The following SEPTIN7 variants were observed in gnomAD, a reference collection of about 807,000 sequenced individuals.
SEPTIN7 encodes septin-7.
SEPTIN7 carries 10 observed loss-of-function variants against 63.3 expected under a neutral mutation model. That is an observed-to-expected ratio of 0.16 (90% CI 0.10 to 0.27). The LOEUF (loss-of-function observed/expected upper bound fraction) is 0.27. SEPTIN7 is among the 10% of genes least tolerant of loss of function. The probability of loss-of-function intolerance (pLI) is 1.00; values close to 1 mark genes in which losing one functional copy is unlikely to be tolerated. For synonymous variants in SEPTIN7, 131 were observed against 165.3 expected (o/e 0.79, Z 1.59); for missense variants, 310 against 521.0 (o/e 0.59, Z 3.94).
intron 4 of SEPTIN7, among the ~76,000 whole-genome samples, chr7:35,870,261 TA>T (rs1477626979): frequency 6.6e-6 from 1 of 152,218 alleles, no homozygotes; most frequent in African/African-American, 2.4e-5. Flanking sequence ...AGCAAGTCAA[TA>T]AGTAATTAAG....
chr7:35,868,823 T>C (rs2116191734), intron 4 of SEPTIN7, among the ~76,000 whole-genome samples: 1 of 152,228 alleles, frequency 6.6e-6, no homozygotes, highest in East Asian at 1.9e-4. Flanking sequence ...ATTGAGAAAT[T>C]AGCTTTAGGA....
intron 10 of SEPTIN7, chr7:35,888,947 C>T: frequency 3.6e-6 from 1 of 275,238 alleles, no homozygotes; most frequent in South Asian, 3.3e-5. Context: ...TATCATATCT[C>T]AGCTTCAATC....
chr7:35,859,188 C>T (rs920179549), intron 3 of SEPTIN7, among the ~76,000 whole-genome samples: 5 of 151,828 alleles, frequency 3.3e-5, no homozygotes, highest in Admixed American at 1.3e-4. Context: ...CCGTAAGTTT[C>T]GGCATGTTGG....
rs867995194 is a variant in SEPTIN7, at chr7:35,801,237, G to T, written c.28G>T (p.Ala10Ser). 6.5e-7 allele frequency: 1 copy of T among 1,536,100 alleles called. No homozygotes were observed. Among genetic ancestry groups the T allele is most frequent in the Non-Finnish European group, 8.8e-7 (1 of 1,142,580 alleles). The change falls in exon 1 of 14, where the codon GCT becomes TCT. Residue 10 changes from alanine (A) to serine (S), a missense_variant. Ala to Ser is a moderately conservative substitution (Grantham distance 99). Coordinates refer to ENST00000350320, the MANE Select transcript of SEPTIN7 (RefSeq NM_001788.6). MSVSARSAA[A>S]EERSVNSSTM... ...GTCGGTCAGTGCGAGATCCGCTGCT[G>T]CTGAGGAGAGGAGCGTCAACAGCAG...
At chr7:35,891,975 C>T (rs985783473) in intron 11 of SEPTIN7, among the ~76,000 whole-genome samples, 2 of 152,142 alleles carry the variant, frequency 1.3e-5, no homozygotes, top group Admixed American at 6.5e-5. Context: ...TAAACTTACA[C>T]ATTAGCCTAG....
intron 1 of SEPTIN7, among the ~76,000 whole-genome samples, chr7:35,810,695 A>C (rs537329918): frequency 3.2e-4 from 48 of 152,054 alleles, no homozygotes; most frequent in African/African-American, 1.1e-3. Flanking sequence ...GGGTTATGCT[A>C]GTGTTTCTTT....
chr7:35,814,974 CAA>C (rs56795764), intron 1 of SEPTIN7, among the ~76,000 whole-genome samples: 10 of 22,026 alleles, frequency 4.5e-4, no homozygotes, highest in African/African-American at 1.2e-3. Flanking sequence ...GACTCCTTCT[CAA>C]AAAAAAAAAA....
chr7:35,882,919 T>C (rs999148403), intron 8 of SEPTIN7, among the ~76,000 whole-genome samples: 11 of 152,082 alleles, frequency 7.2e-5, no homozygotes, highest in Middle Eastern at 3.2e-3. Flanking sequence ...AAAATGTATT[T>C]ATTTTGTCTC....
chr7:35,819,276 T>C (rs1419085448), intron 1 of SEPTIN7, among the ~76,000 whole-genome samples: 1 of 152,184 alleles, frequency 6.6e-6, no homozygotes, highest in Non-Finnish European at 1.5e-5. Context: ...TTCTCTGCAG[T>C]TGATTTCTAA....
chr7:35,853,871 A>AT (rs1360338603), intron 3 of SEPTIN7, among the ~76,000 whole-genome samples: 1 of 152,212 alleles, frequency 6.6e-6, no homozygotes, highest in Non-Finnish European at 1.5e-5. Flanking sequence ...GCAGTAGAAC[A>AT]TACTGCCTGG....
rs1329588491 is a variant in SEPTIN7 at position 35,895,893 on chromosome 7, C to T, written c.999-2355C>T. ...TGGCACGATCTTGGCTCACTGCAAC[C>T]TCTGCCTCCTGGGTTCAAGCAATTC... is the stretch of plus-strand genomic sequence containing the variant. On this transcript the variant is annotated intron_variant, in intron 11 of 13. Transcript: ENST00000350320. Among the ~76,000 whole-genome samples the T allele has an allele frequency of 2.9e-4, 44 of 152,210 alleles. 1 individual carries two copies. The highest frequency in any genetic ancestry group is 2.9e-3 in the Admixed American group (44 of 15,280).
At chr7:35,913,399 TTCTTTC>T in the SEPTIN7 span, among the ~76,000 whole-genome samples, 2 of 151,586 alleles carry the variant, frequency 1.3e-5, no homozygotes, top group Admixed American at 1.3e-4. Context: ...CTTTCTTTCT[TTCTTTC>T]TCTTTCTTTC....
intron 1 of SEPTIN7, among the ~76,000 whole-genome samples, chr7:35,819,220 A>G (rs764990457): frequency 6.6e-5 from 10 of 152,116 alleles, no homozygotes; most frequent in Non-Finnish European, 1.5e-4. Flanking sequence ...TGATTATTAA[A>G]GAATGTACTG....
chr7:35,842,674 C>T lies in SEPTIN7; in HGVS notation c.169+9774C>T, dbSNP rs886446512. 5.3e-5 allele frequency among the ~76,000 whole-genome samples: 8 copies of T among 152,190 alleles called. No homozygotes were observed. The East Asian group carries it at 7.7e-4, about 15-fold the overall frequency. ...AGTATTTTATATAATTAGAAGTGTA[C>T]GTCATTATTTACTGCACATGATTAC... On this transcript the variant is annotated intron_variant, in intron 3 of 13. Transcript: ENST00000350320.
At chr7:35,806,777 G>GT (rs912267649) in intron 1 of SEPTIN7, among the ~76,000 whole-genome samples, 10 of 152,090 alleles carry the variant, frequency 6.6e-5, no homozygotes, top group African/African-American at 1.4e-4. Flanking sequence ...CATTTAAAGT[G>GT]TTTTTTCTGG....
At chr7:35,854,237 A>C (rs144140057) in intron 3 of SEPTIN7, among the ~76,000 whole-genome samples, 1 of 152,244 alleles carries the variant, frequency 6.6e-6, no homozygotes, top group African/African-American at 2.4e-5. Context: ...ATGGTATTAT[A>C]AAGGTTAACT....
At chr7:35,831,707 T>C in intron 2 of SEPTIN7, 1 of 236,198 alleles carries the variant, frequency 4.2e-6, no homozygotes, top group Non-Finnish European at 8.4e-6. Flanking sequence ...TTCATTTTAA[T>C]GGGCTTCGTT....
downstream of SEPTIN7, among the ~76,000 whole-genome samples, chr7:35,908,424 G>A (rs569034120): frequency 1.3e-5 from 2 of 152,310 alleles, no homozygotes; most frequent in African/African-American, 4.8e-5. Context: ...GGCAAAGGAG[G>A]GTCAAGTGAA....
chr7:35,809,043 A>G (rs1234299856), intron 1 of SEPTIN7, among the ~76,000 whole-genome samples: 1 of 152,234 alleles, frequency 6.6e-6, no homozygotes, highest in Admixed American at 6.5e-5. Flanking sequence ...TTGATGTTAT[A>G]GTATCATAAC....
Sources: gnomAD v4.1 joint callset for allele counts (sites outside exome capture counted in the v4.1 genomes callset) on GRCh38, gnomAD v4.1.1 for gene constraint, MANE v1.5 for transcripts, NCBI Gene and HGNC (gene_info 2026-07-23, HGNC 2026-07-21) for gene names.